GFRA2: variants seen among roughly 807,000 people sequenced by gnomAD.
The protein encoded by GFRA2 is GDNF family receptor alpha 2.
Under a neutral mutation model 48.3 loss-of-function variants are expected in GFRA2, and 17 were observed. The ratio of observed to expected loss-of-function variants is 0.35; its 90% CI spans 0.24 to 0.53. GFRA2 has a LOEUF of 0.53. Ranked by LOEUF, GFRA2 falls within the 20% of genes least tolerant of loss-of-function variation. The pLI is 0.93. For missense variants in GFRA2, 660 were observed against 637.3 expected (o/e 1.04, Z -0.38); for synonymous variants, 305 against 257.2 (o/e 1.19, Z -1.78).
chr8:21,794,885 G>A (rs1807640443), intron 2 of GFRA2, among the ~76,000 whole-genome samples: 2 of 152,226 alleles, frequency 1.3e-5, no homozygotes, highest in Non-Finnish European at 2.9e-5. Flanking sequence ...GGGGCAGGCT[G>A]GGTGGGACTG....
At chr8:21,711,824 T>C (rs1166042068) in intron 4 of GFRA2, among the ~76,000 whole-genome samples, 2 of 152,118 alleles carry the variant, frequency 1.3e-5, no homozygotes, top group Non-Finnish European at 2.9e-5. Context: ...CAGAGGACCC[T>C]GCGGCCTTCC....
Position 21,706,141 on chromosome 8 carries a change from C to T in GFRA2, c.795-100G>A. 5.3e-6 allele frequency: 4 copies of T among 752,464 alleles called. No individual in the cohort carries two copies. In the South Asian group the frequency reaches 6.8e-5, roughly 13 times the overall value. The allele number at this position is 752,464 out of a possible 1,614,324, so 46.6% of individuals were successfully genotyped here. A position where few individuals can be genotyped will look rare whatever the true frequency, so the allele number is the denominator to read the frequency against. On this transcript the variant is annotated intron_variant, in intron 4 of 8. Transcript: ENST00000524240. ...AGTGGCATCTCCTCCCTGCAGCTTCCCAGGGTGGAAGAAGCCAGGAAGAGG... is the reference window on the plus strand; with the variant it reads ...AGTGGCATCTCCTCCCTGCAGCTTCTCAGGGTGGAAGAAGCCAGGAAGAGG...
At chr8:21,729,935 C>G (rs1804096829) in intron 4 of GFRA2, among the ~76,000 whole-genome samples, 1 of 152,156 alleles carries the variant, frequency 6.6e-6, no homozygotes, top group African/African-American at 2.4e-5. Flanking sequence ...GGTCTGCTCC[C>G]AGACCCAGCA....
intron 4 of GFRA2, among the ~76,000 whole-genome samples, chr8:21,723,896 G>C (rs1803728718): frequency 6.6e-6 from 1 of 152,128 alleles, no homozygotes; most frequent in African/African-American, 2.4e-5. Flanking sequence ...TCAACCAAGG[G>C]GAGTCCCCAC....
chr8:21,776,837 G>A (rs1806730823), intron 2 of GFRA2, among the ~76,000 whole-genome samples: 1 of 152,068 alleles, frequency 6.6e-6, no homozygotes, highest in African/African-American at 2.4e-5. Flanking sequence ...CCCCTGTCCA[G>A]CCTGGATGAT....
chr8:21,781,414 G>C (rs1248355937), intron 2 of GFRA2, among the ~76,000 whole-genome samples: 1 of 151,912 alleles, frequency 6.6e-6, no homozygotes, highest in African/African-American at 2.4e-5. Context: ...TCTCACAGTG[G>C]GCCTTTCCAT....
chr8:21,712,480 A>G (rs1206997337), intron 4 of GFRA2, among the ~76,000 whole-genome samples: 3 of 150,834 alleles, frequency 2.0e-5, no homozygotes, highest in African/African-American at 7.4e-5. Flanking sequence ...CTCACTTCCT[A>G]GATGGGATGG....
At chr8:21,706,750 A>G (rs1041230841) in intron 4 of GFRA2, among the ~76,000 whole-genome samples, 2 of 152,164 alleles carry the variant, frequency 1.3e-5, no homozygotes, top group African/African-American at 2.4e-5. Flanking sequence ...CACTGCATCA[A>G]AACTCCTTGT....
intron 1 of GFRA2, among the ~76,000 whole-genome samples, chr8:21,786,823 T>C (rs1807294618): frequency 6.6e-6 from 1 of 152,136 alleles, no homozygotes; most frequent in African/African-American, 2.4e-5. Context: ...CATCCTCCTG[T>C]AACCAGCTCC....
At position 21,805,574 on chromosome 8, in the gene GFRA2, AT is replaced by A. The variant is rs1439041551; in HGVS notation, c.-147-447del. Among the ~76,000 whole-genome samples the A allele has an allele frequency of 2.6e-5, 4 of 152,262 alleles. No homozygotes were observed. The South Asian group carries it at 8.3e-4, about 32-fold the overall frequency. The stretch of plus-strand genomic sequence containing the variant: ...GCTCTGCATTCACACAGTTTCTGAC[AT>A]TTCATTTACCCTCATTAATAGGGTC... On this transcript the variant is annotated intron_variant, in intron 1 of 10. Coordinates refer to the GFRA2 transcript ENST00000517328.
chr8:21,799,599 A>G (rs1807737332), intron 2 of GFRA2, among the ~76,000 whole-genome samples: 2 of 152,206 alleles, frequency 1.3e-5, no homozygotes, highest in African/African-American at 4.8e-5. Context: ...CAGTCCATTC[A>G]TGGGAGCCAG....
At chr8:21,803,452 G>C (rs1807806455) in intron 2 of GFRA2, among the ~76,000 whole-genome samples, 1 of 152,128 alleles carries the variant, frequency 6.6e-6, no homozygotes, top group African/African-American at 2.4e-5. Flanking sequence ...TAATCAGAGA[G>C]TCCTTTAGGG....
chr8:21,709,980 G>A (rs995976456), intron 4 of GFRA2, among the ~76,000 whole-genome samples: 1 of 152,200 alleles, frequency 6.6e-6, no homozygotes, highest in African/African-American at 2.4e-5. Context: ...AGGGAGAGAG[G>A]CGGGAGTAGA....
At chr8:21,731,391 C>T (rs1804185790) in intron 4 of GFRA2, among the ~76,000 whole-genome samples, 1 of 152,130 alleles carries the variant, frequency 6.6e-6, no homozygotes, top group Non-Finnish European at 1.5e-5. Context: ...CTTGGGAGGT[C>T]CATCATCCGT....
At chr8:21,765,046 C>G (rs955420547) in intron 3 of GFRA2, among the ~76,000 whole-genome samples, 1 of 152,158 alleles carries the variant, frequency 6.6e-6, no homozygotes, top group Non-Finnish European at 1.5e-5. Context: ...ACTGGCTTGA[C>G]TTCTGGGCTG....
intron 7 of GFRA2, among the ~76,000 whole-genome samples, chr8:21,701,868 G>T (rs150626738): frequency 6.6e-6 from 1 of 152,138 alleles, no homozygotes; most frequent in Non-Finnish European, 1.5e-5. Flanking sequence ...AAGGGGGCTG[G>T]GTGGGGTTCC....
chr8:21,787,278 G>GGT (rs1807329100), intron 1 of GFRA2, among the ~76,000 whole-genome samples: 1 of 150,614 alleles, frequency 6.6e-6, no homozygotes, highest in Non-Finnish European at 1.5e-5. Flanking sequence ...GGGGCAGTGG[G>GGT]GGGGGTTTGC....
At chr8:21,808,086 T>C (rs1807905825) in intron 1 of GFRA2, among the ~76,000 whole-genome samples, 1 of 152,192 alleles carries the variant, frequency 6.6e-6, no homozygotes, top group Admixed American at 6.5e-5. Flanking sequence ...TAACACCTTC[T>C]CACTCCACAA....
chr8:21,703,468 C>T lies in GFRA2; in HGVS notation c.1046-491G>A, dbSNP rs143434818. Among the ~76,000 whole-genome samples, 265 of 152,194 alleles carry T rather than the reference C, an allele frequency of 1.7e-3. 1 individual carries two copies. The highest frequency in any genetic ancestry group is 6.1e-3 in the African/African-American group (255 of 41,524). ...CTCTGCCCACTCCACACCACAGGCT[C>T]TCCCTGGGTGGCCTCTGCTCCTCCC... On this transcript the variant is annotated intron_variant, in intron 6 of 8. Coordinates refer to ENST00000524240, the MANE Select transcript of GFRA2 (RefSeq NM_001495.5).
Sources: allele counts gnomAD v4.1 joint callset (sites outside exome capture counted in the v4.1 genomes callset), GRCh38; gene constraint gnomAD v4.1.1; transcripts MANE v1.5; gene names NCBI Gene and HGNC (gene_info 2026-07-23, HGNC 2026-07-21).